The following NBPF15 variants were observed in gnomAD, a reference collection of about 807,000 sequenced individuals.
NBPF15 encodes the protein NBPF member 15.
NBPF15 carries 74 observed loss-of-function variants against 62.2 expected under a neutral mutation model. The ratio of observed to expected loss-of-function variants is 1.19; its 90% confidence interval spans 0.99 to 1.44. NBPF15 has a LOEUF of 1.44. NBPF15 is among the 40% of genes most tolerant of loss of function. The pLI, the probability that NBPF15 is intolerant of heterozygous loss-of-function variation, is 0.00. For synonymous variants in NBPF15, 244 were observed against 209.7 expected (o/e 1.16, Z -1.41); for missense variants, 790 against 550.0 (o/e 1.44, Z -4.36).
In NBPF15 at chr1:144,458,150, C is replaced by T. The variant is rs146550200; in HGVS notation, c.-701+1216G>A. Among the ~76,000 whole-genome samples, 287 of 152,072 alleles carry T rather than the reference C, an allele frequency of 1.9e-3. 13 individuals are homozygous for T. The East Asian group carries it at 0.05, about 27-fold the overall frequency. ...CTATTATGTAGAATACTATTGTTTACATCACATCACGTCGGCCCTTTAAAT... is the reference window on the plus strand; with the variant it reads ...CTATTATGTAGAATACTATTGTTTATATCACATCACGTCGGCCCTTTAAAT... On this transcript the variant is annotated intron_variant, in intron 3 of 21. Transcript: ENST00000581897.
chr1:144,432,111 A>C lies in NBPF15; in HGVS notation c.824+1662T>G, dbSNP rs1408575009. Among the ~76,000 whole-genome samples the C allele has an allele frequency of 6.7e-4, 102 of 152,092 alleles. 2 individuals are homozygous for C. The highest frequency in any genetic ancestry group is 2.2e-3 in the Admixed American group (34 of 15,246). ...TGAACTAGTTTACAGTCCCACCAAC[A>C]GTGTAAAAGTGTTCCTATTTCTCCA... On this transcript the variant is annotated intron_variant, in intron 13 of 21. Coordinates refer to ENST00000581897, the MANE Select transcript of NBPF15 (RefSeq NM_001385408.1).
At chr1:144,442,218 A>ATT (rs1553542919) in intron 6 of NBPF15, among the ~76,000 whole-genome samples, 2 of 106,864 alleles carry the variant, frequency 1.9e-5, no homozygotes, top group East Asian at 2.3e-4. Flanking sequence ...TAATATATAT[A>ATT]ATATATATAT....
chr1:144,457,043 G>T (rs1648428710), intron 3 of NBPF15, among the ~76,000 whole-genome samples: 1 of 151,722 alleles, frequency 6.6e-6, no homozygotes. Flanking sequence ...GCCCAGCATG[G>T]TGGCACACAC....
chr1:144,428,029 A>C (rs2101733916), intron 15 of NBPF15, 39 bp from the exon 16 acceptor site: 1 of 770,384 alleles, frequency 1.3e-6, no homozygotes, highest in Non-Finnish European at 2.4e-6. Context: ...AGCCAGGGGG[A>C]ATCAGAAACC....
At chr1:144,430,923 G>A (rs4950217) in intron 13 of NBPF15, among the ~76,000 whole-genome samples, 53 of 151,548 alleles carry the variant, frequency 3.5e-4, no homozygotes, top group Non-Finnish European at 5.5e-4. Context: ...GAACTACGTG[G>A]TGCATGCACA....
chr1:144,433,084 A>C (rs1675676777), intron 13 of NBPF15, among the ~76,000 whole-genome samples: 4 of 152,046 alleles, frequency 2.6e-5, no homozygotes, highest in Admixed American at 2.6e-4. Context: ...ATGTAAAAGA[A>C]TGGAAATCAC....
intron 14 of NBPF15, among the ~76,000 whole-genome samples, chr1:144,429,148 G>GTT (rs1246770021): frequency 1.3e-5 from 2 of 150,830 alleles, no homozygotes; most frequent in African/African-American, 5.0e-5. Context: ...AAAGTCAGCC[G>GTT]TTTATCTAGA....
rs1553539943 is a variant in NBPF15 at position 144,429,700 on chromosome 1, T to G, written c.988A>C (p.Arg330=). 1.7e-6 allele frequency: 1 copy of G among 599,124 alleles called. No individual in the cohort carries two copies. Among genetic ancestry groups the G allele is most frequent in the Non-Finnish European group, 2.9e-6 (1 of 342,072 alleles). The allele number at this position is 599,124 out of a possible 1,614,324, so 37.1% of individuals were successfully genotyped here. A position where few individuals can be genotyped will look rare whatever the true frequency, so the allele number is the denominator to read the frequency against. The change falls in exon 14 of 22, where the codon AGA becomes CGA. Residue 330 remains arginine, a splice_region_variant and synonymous_variant. Transcript: ENST00000581897. ...ATCACCTTCACAATGGAGTACTCAC[T>G]GCCTATGTCAACAGCCATGCAGACT... ...QQVCMAVDIG[R]HRWDQVKKED...
rs1178970019 is a variant in NBPF15, at chr1:144,447,757, T to G, written c.-191+1018A>C. Among the ~76,000 whole-genome samples, 76 of 152,244 alleles carry G rather than the reference T, an allele frequency of 5.0e-4. 1 individual carries two copies. The highest frequency in any genetic ancestry group is 3.4e-3 in the Middle Eastern group (1 of 294). ...GAGTCAAGATATTGTTATTTTCAAC[T>G]GTTGTTCCAACAGTTGTATTATAAA... On this transcript the variant is annotated intron_variant, in intron 6 of 21. Transcript: ENST00000581897.
chr1:144,455,776 C>T (rs1694091834), intron 4 of NBPF15, among the ~76,000 whole-genome samples: 1 of 151,918 alleles, frequency 6.6e-6, no homozygotes, highest in Non-Finnish European at 1.5e-5. Flanking sequence ...CTCCCCCTCT[C>T]AATGCCTGCA....
At chr1:144,442,300 A>G (rs1273949650) in intron 6 of NBPF15, among the ~76,000 whole-genome samples, 8 of 129,268 alleles carry the variant, frequency 6.2e-5, no homozygotes, top group Non-Finnish European at 1.1e-4. Context: ...TTATATATAT[A>G]TATACACGTG....
chr1:144,440,991 A>G (rs1446567692), intron 6 of NBPF15, among the ~76,000 whole-genome samples: 5 of 151,754 alleles, frequency 3.3e-5, no homozygotes, highest in Admixed American at 6.6e-5. Context: ...TCAGGTGGGT[A>G]TATATGCCAC....
rs1553538780 is a variant in NBPF15 at position 144,423,995 on chromosome 1, G to A, written c.1664-20C>T. The A allele has an allele frequency of 2.6e-6, 2 of 763,540 alleles. No homozygotes were observed. Among genetic ancestry groups the A allele is most frequent in the East Asian group, 4.9e-5 (2 of 41,078 alleles). The allele number at this position is 763,540 out of a possible 1,614,324, so 47.3% of individuals were successfully genotyped here. Reference sequence around the variant, plus strand: ...CAATTTCTGCAATAAATTCAGACATGGACAGACACATTAAGCTGATTCCCC... The same window carrying A: ...CAATTTCTGCAATAAATTCAGACATAGACAGACACATTAAGCTGATTCCCC... On this transcript the variant is annotated intron_variant, in intron 20 of 21. Transcript: ENST00000581897.
intron 6 of NBPF15, among the ~76,000 whole-genome samples, chr1:144,444,098 C>G (rs1685483938): frequency 6.6e-6 from 1 of 151,340 alleles, no homozygotes; most frequent in Admixed American, 6.6e-5. Context: ...GTGGCTATAC[C>G]ATGTATGTTT....
chr1:144,441,981 G>A lies in NBPF15; in HGVS notation c.-190-1686C>T, dbSNP rs1363375220. Among the ~76,000 whole-genome samples the A allele has an allele frequency of 4.0e-5, 6 of 148,648 alleles. No individual in the cohort carries two copies. The East Asian group carries it at 7.9e-4, about 20-fold the overall frequency. ...AACAATGAGAACACTTGGACACAGG[G>A]CGGGGAACATCACACACCAGGGCCT... On this transcript the variant is annotated intron_variant, in intron 6 of 21. Transcript: ENST00000581897.
chr1:144,423,831 T>A, intron 21 of NBPF15, 39 bp downstream of exon 21: 6 of 762,466 alleles, frequency 7.9e-6, no homozygotes, highest in South Asian at 1.3e-5. Context: ...CCTCCAGGTG[T>A]TAACACAGAA....
chr1:144,426,835 A>G (rs1258848410), intron 17 of NBPF15, among the ~76,000 whole-genome samples: 1 of 149,468 alleles, frequency 6.7e-6, no homozygotes, highest in African/African-American at 2.5e-5. Flanking sequence ...ACAGCCTTTG[A>G]GGTATGGTCA....
At chr1:144,440,513 C>T in intron 6 of NBPF15, 1 of 392,136 alleles carries the variant, frequency 2.6e-6, no homozygotes, top group Non-Finnish European at 4.5e-6. Context: ...TAAGCATATT[C>T]CTCACTGTTT....
chr1:144,429,062 C>A (rs1254177889), intron 14 of NBPF15, among the ~76,000 whole-genome samples: 6 of 151,914 alleles, frequency 3.9e-5, no homozygotes. Flanking sequence ...TGAAGGGGTG[C>A]AATGTACCAG....
Sources: gnomAD v4.1 joint callset for allele counts (sites outside exome capture counted in the v4.1 genomes callset) on GRCh38, gnomAD v4.1.1 for gene constraint, MANE v1.5 for transcripts, NCBI Gene and HGNC (gene_info 2026-07-23, HGNC 2026-07-21) for gene names.